Variants in USP50 observed in about 807,000 individuals in gnomAD.
USP50 encodes ubiquitin carboxyl-terminal hydrolase 50.
Under a neutral mutation model 39.2 loss-of-function variants are expected in USP50, and 37 were observed. The ratio of observed to expected loss-of-function variants is 0.94; its 90% CI spans 0.73 to 1.24. The LOEUF is 1.24. Ranked by LOEUF, USP50 falls within the 50% of genes most tolerant of loss-of-function variation. The pLI, the probability that USP50 is intolerant of heterozygous loss-of-function variation, is 0.00. For missense variants in USP50, 374 were observed against 398.2 expected (o/e 0.94, Z 0.52); for synonymous variants, 139 against 144.5 (o/e 0.96, Z 0.27).
chr15:50,501,692 A>G (rs1467752324), intron 6 of USP50: 1 of 152,078 alleles, frequency 6.6e-6, no homozygotes, highest in Non-Finnish European at 1.5e-5. Flanking sequence ...CTAACCCAGT[A>G]TTGTTTGGAA....
chr15:50,539,256 G>C (rs376764433), intron 4 of USP50, among the ~76,000 whole-genome samples: 1 of 150,860 alleles, frequency 6.6e-6, no homozygotes, highest in East Asian at 1.9e-4. Context: ...TTACAAGTGC[G>C]CACCACCAAG....
downstream of USP50, chr15:50,493,117 A>G (rs1374282614): frequency 1.5e-6 from 1 of 651,326 alleles, no homozygotes; most frequent in African/African-American, 1.8e-5. Context: ...TTTTTGCTGC[A>G]TCCTCACAGG....
intron 5 of USP50, among the ~76,000 whole-genome samples, chr15:50,530,515 C>T (rs1418255386): frequency 2.6e-5 from 4 of 151,292 alleles, no homozygotes; most frequent in East Asian, 3.9e-4. Context: ...ACCTGGGAGG[C>T]GAAGGTTACA....
chr15:50,497,293 G>C, downstream of USP50: 1 of 1,540,424 alleles, frequency 6.5e-7, no homozygotes, highest in East Asian at 2.3e-5. Flanking sequence ...TAAGTTCTGT[G>C]TAATTTATAC....
In USP50 at chr15:50,546,055, T is replaced by C. The variant is rs960195467; in HGVS notation, c.53+418A>G. ...GGTTCCAAACGGGACCTCCTCTCCC[T>C]GCACAGAGCTTCCTCTTACAATTTT... On this transcript the variant is annotated intron_variant, in intron 1 of 6. Transcript: ENST00000532404. Among the ~76,000 whole-genome samples, 13 of 151,988 alleles carry C rather than the reference T, an allele frequency of 8.6e-5. No homozygotes were observed. The East Asian group carries it at 2.1e-3, about 25-fold the overall frequency.
chr15:50,527,856 C>G (rs1316494520), intron 6 of USP50, among the ~76,000 whole-genome samples: 1 of 151,866 alleles, frequency 6.6e-6, no homozygotes, highest in African/African-American at 2.4e-5. Flanking sequence ...AGGCTGGTCT[C>G]AAACTCCTGA....
intron 6 of USP50, chr15:50,508,105 A>G (rs1268178551): frequency 6.7e-6 from 1 of 149,756 alleles, no homozygotes; most frequent in East Asian, 1.9e-4. Context: ...GATTAGTTTA[A>G]TTTAGACCCT....
intron 4 of USP50, 35 bp downstream of exon 4, chr15:50,541,014 G>T: frequency 1.3e-6 from 2 of 1,534,926 alleles, no homozygotes; most frequent in Non-Finnish European, 9.0e-7. Context: ...TGAGAGTATA[G>T]CGAGACAAAG....
chr15:50,544,274 G>A (rs1163807183), intron 2 of USP50, among the ~76,000 whole-genome samples: 7 of 151,866 alleles, frequency 4.6e-5, no homozygotes, highest in Admixed American at 6.6e-5. Context: ...AGGCAGGAGG[G>A]TCACTTGAAC....
At chr15:50,497,915 T>G (rs1435642448), downstream of USP50, among the ~76,000 whole-genome samples, 1 of 152,208 alleles carries the variant, frequency 6.6e-6, no homozygotes, top group African/African-American at 2.4e-5. Flanking sequence ...GTATTGAGAT[T>G]CTTAGTTCCA....
At chr15:50,496,896 C>T, downstream of USP50, 1 of 627,048 alleles carries the variant, frequency 1.6e-6, no homozygotes, top group Non-Finnish European at 2.6e-6. Flanking sequence ...GTAGCACTCA[C>T]CACACTCTGT....
intron 6 of USP50, among the ~76,000 whole-genome samples, chr15:50,519,177 C>A (rs1458796599): frequency 6.6e-6 from 1 of 152,100 alleles, no homozygotes. Flanking sequence ...GTCCCAGCTA[C>A]TCGGGAGGTT....
At position 50,538,861 on chromosome 15, in the gene USP50, A is replaced by G. The variant is rs371014649; in HGVS notation, c.661-10T>C. 354 of 1,578,606 alleles carry G rather than the reference A, an allele frequency of 2.2e-4. 4 individuals are homozygous for G. Among genetic ancestry groups the G allele is most frequent in the South Asian group, 1.3e-3 (113 of 84,366 alleles). ...AACATTGGAGACAGTCCTGTTAAGG[A>G]AAAAAAGGATTTGGTGACCAAATTG... is the stretch of plus-strand genomic sequence containing the variant. On this transcript the variant is annotated splice_polypyrimidine_tract_variant and intron_variant, in intron 4 of 6. Coordinates refer to ENST00000532404, the MANE Select transcript of USP50 (RefSeq NM_203494.5).
intron 6 of USP50, among the ~76,000 whole-genome samples, chr15:50,516,941 A>G (rs1342005117): frequency 6.6e-6 from 1 of 152,168 alleles, no homozygotes; most frequent in African/African-American, 2.4e-5. Context: ...AATTAATATG[A>G]GAGGAGAGAC....
rs567729559 is a variant in USP50 at position 50,538,918 on chromosome 15, T to C, written c.661-67A>G. Reference sequence around the variant, plus strand: ...CTGCAACCTGCACTCTCTGTTTCTATTGGAACTTTGCAAATGCCGTGGAAA... The same window carrying C: ...CTGCAACCTGCACTCTCTGTTTCTACTGGAACTTTGCAAATGCCGTGGAAA... On this transcript the variant is annotated intron_variant, in intron 4 of 6. Coordinates refer to ENST00000532404, the MANE Select transcript of USP50 (RefSeq NM_203494.5). 6.4e-5 allele frequency: 95 copies of C among 1,494,744 alleles called. No individual in the cohort carries two copies. In the African/African-American group the frequency reaches 1.2e-3, roughly 19 times the overall value. The allele number at this position is 1,494,744 out of a possible 1,614,324, so 92.6% of individuals were successfully genotyped here. A position where few individuals can be genotyped will look rare whatever the true frequency, so the allele number is the denominator to read the frequency against.
intron 4 of USP50, among the ~76,000 whole-genome samples, chr15:50,539,107 G>C (rs75293550): frequency 1.1e-4 from 15 of 142,010 alleles, no homozygotes; most frequent in Non-Finnish European, 1.8e-4. Context: ...AGTTTTTTTT[G>C]GTTTTGTTTT....
downstream of USP50, chr15:50,496,143 TA>T: frequency 1.5e-6 from 2 of 1,338,422 alleles, no homozygotes; most frequent in Non-Finnish European, 2.1e-6. Flanking sequence ...TTTTTATGGA[TA>T]TAGAGATGTA....
chr15:50,519,706 C>G (rs996953577), intron 6 of USP50, among the ~76,000 whole-genome samples: 11 of 151,320 alleles, frequency 7.3e-5, no homozygotes, highest in African/African-American at 2.4e-4. Context: ...AAGAGCGAGA[C>G]TCCGTCTCTT....
chr15:50,494,597 A>G (rs533718955), intron 1 of USP50, among the ~76,000 whole-genome samples: 1 of 152,348 alleles, frequency 6.6e-6, no homozygotes, highest in East Asian at 1.9e-4. Context: ...CAGTTTGAGC[A>G]TTTTTATTGT....
Sources: allele counts gnomAD v4.1 joint callset (sites outside exome capture counted in the v4.1 genomes callset), GRCh38; gene constraint gnomAD v4.1.1; transcripts MANE v1.5; gene names NCBI Gene and HGNC (gene_info 2026-07-23, HGNC 2026-07-21).